The following TRPS1 variants were observed in gnomAD, a reference collection of about 807,000 sequenced individuals.
TRPS1 encodes transcriptional repressor GATA binding 1, also known as zinc finger transcription factor Trps1.
A neutral mutation model predicts 101.2 loss-of-function variants in TRPS1; 6 were observed. The ratio of observed to expected loss-of-function variants is 0.06; its 90% CI spans 0.03 to 0.12. TRPS1 has a LOEUF of 0.12. Ranked by LOEUF, TRPS1 falls within the 10% of genes least tolerant of loss-of-function variation. TRPS1 has a pLI of 1.00. For synonymous variants in TRPS1, 578 were observed against 589.8 expected (o/e 0.98, Z 0.29); for missense variants, 1,363 against 1,567.0 (o/e 0.87, Z 2.20).
chr8:115,501,303 G>A (rs1042723632), intron 5 of TRPS1, among the ~76,000 whole-genome samples: 7 of 152,050 alleles, frequency 4.6e-5, no homozygotes, highest in Non-Finnish European at 8.8e-5. Context: ...AGGTGGTAGA[G>A]AACCTGAAAA....
intron 5 of TRPS1, among the ~76,000 whole-genome samples, chr8:115,554,814 A>T (rs1268790634): frequency 3.3e-5 from 5 of 152,140 alleles, no homozygotes; most frequent in Non-Finnish European, 7.4e-5. Flanking sequence ...GCTGCTCTAG[A>T]TGGCACAGGT....
At chr8:115,526,102 G>A (rs1324482322) in intron 5 of TRPS1, among the ~76,000 whole-genome samples, 1 of 151,964 alleles carries the variant, frequency 6.6e-6, no homozygotes, top group Non-Finnish European at 1.5e-5. Flanking sequence ...AACGTTCTGG[G>A]TCTCGAGAGC....
chr8:115,576,984 T>G (rs566299378), intron 5 of TRPS1, among the ~76,000 whole-genome samples: 7 of 152,226 alleles, frequency 4.6e-5, no homozygotes, highest in African/African-American at 1.4e-4. Context: ...AGAGGACAGA[T>G]TTTTCTATAT....
At chr8:115,484,719 A>G (rs2130077669) in intron 5 of TRPS1, among the ~76,000 whole-genome samples, 1 of 152,296 alleles carries the variant, frequency 6.6e-6, no homozygotes, top group East Asian at 1.9e-4. Context: ...CAGTAGGGGT[A>G]AGATGCCATA....
chr8:115,416,210 G>A (rs1459286248), intron 6 of TRPS1, among the ~76,000 whole-genome samples: 1 of 151,906 alleles, frequency 6.6e-6, no homozygotes, highest in African/African-American at 2.4e-5. Flanking sequence ...AACGTTACAT[G>A]ATTGGTATTT....
At chr8:115,598,945 T>C (rs149330220) in intron 4 of TRPS1, among the ~76,000 whole-genome samples, 58 of 152,336 alleles carry the variant, frequency 3.8e-4, no homozygotes, top group Middle Eastern at 3.4e-3. Context: ...ACTGAATTTA[T>C]TCCTATACAT....
At chr8:115,458,916 T>C (rs1001910252) in intron 5 of TRPS1, among the ~76,000 whole-genome samples, 1 of 152,220 alleles carries the variant, frequency 6.6e-6, no homozygotes, top group Non-Finnish European at 1.5e-5. Flanking sequence ...ATTCTTAAGA[T>C]CAAGACTTCA....
intron 5 of TRPS1, among the ~76,000 whole-genome samples, chr8:115,440,318 A>G (rs1813560107): frequency 6.6e-6 from 1 of 152,230 alleles, no homozygotes; most frequent in African/African-American, 2.4e-5. Flanking sequence ...AGAGAGGCTC[A>G]CGCCAATAGG....
chr8:115,611,772 C>T (rs760014088), intron 3 of TRPS1, among the ~76,000 whole-genome samples: 12 of 152,250 alleles, frequency 7.9e-5, no homozygotes, highest in African/African-American at 2.4e-4. Flanking sequence ...ATTATCAAAT[C>T]GTTAAATGGA....
At chr8:115,648,436 G>A (rs1434207725) in intron 1 of TRPS1, among the ~76,000 whole-genome samples, 1 of 152,202 alleles carries the variant, frequency 6.6e-6, no homozygotes, top group Non-Finnish European at 1.5e-5. Flanking sequence ...GGTGGCGGCC[G>A]CAGGCCCGGG....
intron 1 of TRPS1, among the ~76,000 whole-genome samples, chr8:115,626,890 A>G (rs966887780): frequency 6.6e-6 from 1 of 151,798 alleles, no homozygotes; most frequent in African/African-American, 2.4e-5. Flanking sequence ...ATCTCATTTC[A>G]AATGCACTTG....
intron 5 of TRPS1, among the ~76,000 whole-genome samples, chr8:115,494,148 C>T (rs965279624): frequency 4.6e-5 from 7 of 152,182 alleles, no homozygotes; most frequent in Non-Finnish European, 1.0e-4. Context: ...CAATTTTCTC[C>T]CATGGCTTGA....
rs181514095 is a variant in TRPS1, at chr8:115,620,485, A to G, written c.38-425T>C. Among the ~76,000 whole-genome samples, 17 of 152,298 alleles carry G rather than the reference A, an allele frequency of 1.1e-4. No individual in the cohort carries two copies. In the East Asian group the frequency reaches 3.1e-3, roughly 28 times the overall value. The stretch of plus-strand genomic sequence containing the variant: ...CACATGTTATGTTTATAAAATACAT[A>G]TATGTGTTTATGGTTATAGAATACA... On this transcript the variant is annotated intron_variant, in intron 2 of 6. Coordinates refer to ENST00000395715, the MANE Select transcript of TRPS1 (RefSeq NM_014112.5).
chr8:115,537,962 T>C (rs1816362250), intron 5 of TRPS1, among the ~76,000 whole-genome samples: 1 of 152,226 alleles, frequency 6.6e-6, no homozygotes, highest in Non-Finnish European at 1.5e-5. Flanking sequence ...CACTGTAAAC[T>C]GCAGGGAGTG....
intron 1 of TRPS1, among the ~76,000 whole-genome samples, chr8:115,637,487 G>A (rs916576931): frequency 4.6e-5 from 7 of 152,234 alleles, no homozygotes; most frequent in South Asian, 2.1e-4. Flanking sequence ...CAGAAATATC[G>A]CACAGGTTCA....
intron 5 of TRPS1, among the ~76,000 whole-genome samples, chr8:115,435,786 G>C (rs1049504608): frequency 6.6e-6 from 1 of 152,058 alleles, no homozygotes; most frequent in African/African-American, 2.4e-5. Context: ...CTTGATATAA[G>C]TTCTGGTATG....
chr8:115,612,164 GC>G (rs908491722), intron 3 of TRPS1, among the ~76,000 whole-genome samples: 2 of 151,410 alleles, frequency 1.3e-5, no homozygotes, highest in Non-Finnish European at 2.9e-5. Flanking sequence ...AGAAAAAGAG[GC>G]CAAAGAGAGG....
rs147466735 is a variant in TRPS1 at position 115,605,091 on chromosome 8, T to C, written c.967-89A>G. 5.9e-4 allele frequency: 727 copies of C among 1,229,214 alleles called. 3 individuals are homozygous for C. The African/African-American group carries it at 0.01, about 17-fold the overall frequency. The allele number at this position is 1,229,214 out of a possible 1,614,324, so 76.1% of individuals were successfully genotyped here. On this transcript the variant is annotated intron_variant, in intron 3 of 6. Transcript: ENST00000395715. ...GGGAGGGGGAGGGTACTGCCAAGTA[T>C]TCCACATCAAAAAATACAATAGTAC...
intron 1 of TRPS1, chr8:115,667,969 C>T: frequency 3.5e-6 from 5 of 1,440,832 alleles, no homozygotes; most frequent in South Asian, 2.4e-5. Context: ...CGGGTCCAAC[C>T]ACCTCCAGCT....
Sources: gnomAD v4.1 joint callset for allele counts (sites outside exome capture counted in the v4.1 genomes callset) on GRCh38, gnomAD v4.1.1 for gene constraint, MANE v1.5 for transcripts, NCBI Gene and HGNC (gene_info 2026-07-23, HGNC 2026-07-21) for gene names.